MGMT: variants seen among roughly 807,000 people sequenced by gnomAD.
MGMT encodes the protein methylated-DNA--protein-cysteine methyltransferase.
MGMT carries 14 observed loss-of-function variants against 15.9 expected under a neutral mutation model. That is an observed-to-expected ratio of 0.88 (90% CI 0.58 to 1.37). The LOEUF (loss-of-function observed/expected upper bound fraction) is 1.37. Ranked by LOEUF, MGMT falls within the 40% of genes most tolerant of loss-of-function variation. MGMT has a pLI of 0.00. For missense variants in MGMT, 282 were observed against 268.1 expected (o/e 1.05, Z -0.36); for synonymous variants, 130 against 118.2 (o/e 1.10, Z -0.65).
intron 2 of MGMT, among the ~76,000 whole-genome samples, chr10:129,613,886 G>A (rs921419818): frequency 5.9e-5 from 9 of 152,176 alleles, no homozygotes; most frequent in Admixed American, 1.3e-4. Context: ...TGAAAGGGCC[G>A]GTCAGTGCCA....
intron 1 of MGMT, among the ~76,000 whole-genome samples, chr10:129,521,428 C>A (rs1220424826): frequency 6.6e-6 from 1 of 152,178 alleles, no homozygotes; most frequent in African/African-American, 2.4e-5. Flanking sequence ...TGTGAAGATT[C>A]TTCCAGATTA....
intron 3 of MGMT, among the ~76,000 whole-genome samples, chr10:129,711,559 C>T (rs1848233211): frequency 6.6e-6 from 1 of 152,204 alleles, no homozygotes; most frequent in Non-Finnish European, 1.5e-5. Context: ...TCCAGTGAAG[C>T]ATATTCTAAT....
chr10:129,622,908 G>A (rs1048110568), intron 2 of MGMT, among the ~76,000 whole-genome samples: 9 of 152,158 alleles, frequency 5.9e-5, no homozygotes, highest in Non-Finnish European at 1.2e-4. Context: ...AATGCATGGA[G>A]CCCCGTTTCG....
intron 2 of MGMT, among the ~76,000 whole-genome samples, chr10:129,572,374 A>G (rs1337284533): frequency 6.6e-6 from 1 of 152,236 alleles, no homozygotes; most frequent in African/African-American, 2.4e-5. Flanking sequence ...CAAACAGGTT[A>G]TAGTTCAGAG....
At chr10:129,494,431 G>A (rs1475172410) in intron 1 of MGMT, among the ~76,000 whole-genome samples, 1 of 152,180 alleles carries the variant, frequency 6.6e-6, no homozygotes, top group African/African-American at 2.4e-5. Context: ...GTGTCAGCCG[G>A]TGAACTCTGG....
intron 1 of MGMT, among the ~76,000 whole-genome samples, chr10:129,479,104 T>A (rs1845327892): frequency 6.6e-6 from 1 of 152,218 alleles, no homozygotes; most frequent in Non-Finnish European, 1.5e-5. Context: ...CCAGAACATG[T>A]TTGATGAATC....
intron 2 of MGMT, among the ~76,000 whole-genome samples, chr10:129,576,871 A>T (rs1462377818): frequency 6.6e-6 from 1 of 152,212 alleles, no homozygotes; most frequent in East Asian, 1.9e-4. Context: ...CAAAAATCAC[A>T]AGCATTCTTA....
chr10:129,501,700 A>G (rs1299211250), intron 1 of MGMT, among the ~76,000 whole-genome samples: 1 of 152,214 alleles, frequency 6.6e-6, no homozygotes, highest in Non-Finnish European at 1.5e-5. Flanking sequence ...TATGACTGCC[A>G]TGGTCACCAC....
intron 3 of MGMT, among the ~76,000 whole-genome samples, chr10:129,719,885 C>T (rs373294251): frequency 6.6e-6 from 1 of 152,176 alleles, no homozygotes; most frequent in Non-Finnish European, 1.5e-5. Context: ...GGCCACCAAA[C>T]AGTCAGCAAA....
chr10:129,737,846 G>A (rs1329810002), intron 3 of MGMT, among the ~76,000 whole-genome samples: 2 of 152,314 alleles, frequency 1.3e-5, no homozygotes, highest in African/African-American at 2.4e-5. Flanking sequence ...GCTGGGGGGT[G>A]CCTCCCAGTT....
intron 2 of MGMT, among the ~76,000 whole-genome samples, chr10:129,692,832 T>G (rs1847984886): frequency 6.6e-6 from 1 of 152,180 alleles, no homozygotes; most frequent in East Asian, 1.9e-4. Context: ...TGGAGCAGTG[T>G]CCATGCAAGC....
intron 1 of MGMT, among the ~76,000 whole-genome samples, chr10:129,471,530 G>A (rs1310157367): frequency 2.0e-5 from 3 of 152,144 alleles, no homozygotes; most frequent in African/African-American, 7.2e-5. Flanking sequence ...ACTGGAATGC[G>A]ATTCCAGCAA....
intron 3 of MGMT, among the ~76,000 whole-genome samples, chr10:129,740,956 C>T (rs1193359974): frequency 6.6e-6 from 1 of 152,158 alleles, no homozygotes; most frequent in Non-Finnish European, 1.5e-5. Context: ...AAATGAGTGC[C>T]CCTACCCGTT....
chr10:129,709,080 G>C (rs1848201186), intron 3 of MGMT, among the ~76,000 whole-genome samples: 1 of 152,236 alleles, frequency 6.6e-6, no homozygotes, highest in Non-Finnish European at 1.5e-5. Context: ...CAGCTATAAT[G>C]AACCAGGCAC....
At chr10:129,611,325 A>G (rs1846956947) in intron 2 of MGMT, among the ~76,000 whole-genome samples, 1 of 152,184 alleles carries the variant, frequency 6.6e-6, no homozygotes. Context: ...AAGCAAACAC[A>G]TCCTCATGGA....
intron 1 of MGMT, among the ~76,000 whole-genome samples, chr10:129,522,554 G>A (rs1321682535): frequency 6.6e-6 from 1 of 152,224 alleles, no homozygotes; most frequent in Non-Finnish European, 1.5e-5. Flanking sequence ...GAATCCCAGT[G>A]TTGACTGATT....
chr10:129,504,013 C>T (rs1845601007), intron 1 of MGMT, among the ~76,000 whole-genome samples: 1 of 152,142 alleles, frequency 6.6e-6, no homozygotes, highest in Non-Finnish European at 1.5e-5. Context: ...ATCAGGGTTC[C>T]ATGTCTGATA....
chr10:129,749,528 A>G lies in MGMT; in HGVS notation c.275-9674A>G, dbSNP rs535108852. Among the ~76,000 whole-genome samples, 7 of 152,294 alleles carry G rather than the reference A, an allele frequency of 4.6e-5. No homozygotes were observed. In the East Asian group the frequency reaches 1.2e-3, roughly 25 times the overall value. Reference sequence around the variant, plus strand: ...AGTTGTTTATCCGTTCACCTATCGAACAACATTTTGGTCACTTACAACTTT... The same window carrying G: ...AGTTGTTTATCCGTTCACCTATCGAGCAACATTTTGGTCACTTACAACTTT... On this transcript the variant is annotated intron_variant, in intron 3 of 4. Coordinates refer to ENST00000651593, the MANE Select transcript of MGMT (RefSeq NM_002412.5).
chr10:129,755,902 G>A (rs1316252981), intron 3 of MGMT, among the ~76,000 whole-genome samples: 1 of 152,200 alleles, frequency 6.6e-6, no homozygotes, highest in Non-Finnish European at 1.5e-5. Flanking sequence ...GTGTCCTCCT[G>A]CCGTGCTCTG....
Sources: gnomAD v4.1 joint callset for allele counts (sites outside exome capture counted in the v4.1 genomes callset) on GRCh38, gnomAD v4.1.1 for gene constraint, MANE v1.5 for transcripts, NCBI Gene and HGNC (gene_info 2026-07-23, HGNC 2026-07-21) for gene names.